The following DYTN variants were observed in gnomAD, a reference collection of about 807,000 sequenced individuals.
The protein encoded by DYTN is dystrotelin.
A neutral mutation model predicts 69.6 loss-of-function variants in DYTN; 75 were observed. The observed-to-expected ratio is 1.08, with a 90% CI of 0.89 to 1.31. The LOEUF is 1.31. DYTN is among the 50% of genes most tolerant of loss of function. The pLI is 0.00. For missense variants in DYTN, 726 were observed against 688.4 expected (o/e 1.05, Z -0.61); for synonymous variants, 252 against 249.1 (o/e 1.01, Z -0.11).
chr2:206,676,693 A>G (rs1472312503), intron 9 of DYTN, among the ~76,000 whole-genome samples: 1 of 152,208 alleles, frequency 6.6e-6, no homozygotes, highest in Non-Finnish European at 1.5e-5. Context: ...CAAGTTCTGG[A>G]GGTGTACTAA....
In DYTN at chr2:206,693,276, G is replaced by T. The variant is rs1416965425; in HGVS notation, c.879C>A (p.Asn293Lys). The change falls in exon 9 of 12, where the codon AAC (asparagine) becomes AAA (lysine). Residue 293 changes from asparagine (N) to lysine (K), a missense_variant. Physicochemically the swap from Asn to Lys is moderately conservative, Grantham distance 94. Coordinates refer to ENST00000452335, the MANE Select transcript of DYTN (RefSeq NM_001093730.1). ...NTKLLFRTLR[N>K]NLLQGRCRKK... ...TCCTACAGCGCCCCTGAAGAAGGTTGTTTCTGAGGGTCCTGAAGAGAAGTT... is the reference window on the plus strand; with the variant it reads ...TCCTACAGCGCCCCTGAAGAAGGTTTTTTCTGAGGGTCCTGAAGAGAAGTT... 6.2e-7 allele frequency: 1 copy of T among 1,613,466 alleles called. No individual in the cohort carries two copies.
At position 206,678,682 on chromosome 2, in the gene DYTN, A is replaced by G. The variant is rs1699717747; in HGVS notation, c.981-12653T>C. Among the ~76,000 whole-genome samples, 6 of 152,352 alleles carry G rather than the reference A, an allele frequency of 3.9e-5. No homozygotes were observed. The South Asian group carries it at 1.2e-3, about 32-fold the overall frequency. On this transcript the variant is annotated intron_variant, in intron 9 of 11. Coordinates refer to ENST00000452335, the MANE Select transcript of DYTN (RefSeq NM_001093730.1). ...CTAACTATAGAGAACTATATAATGA[A>G]TAAATTTTACAGTGTAGTCTAAGCT...
chr2:206,672,980 G>A (rs944254665), intron 9 of DYTN, among the ~76,000 whole-genome samples: 3 of 152,130 alleles, frequency 2.0e-5, no homozygotes, highest in Admixed American at 6.5e-5. Flanking sequence ...GGTTTGTTAC[G>A]TAGGTAAATG....
chr2:206,710,572 T>C lies in DYTN; in HGVS notation c.46A>G (p.Ile16Val). ...TGTAATTTGAAGGCTGTTCTATAAATGGAATTCTCAATACTATTAAGAGCA... is the reference window on the plus strand; with the variant it reads ...TGTAATTTGAAGGCTGTTCTATAAACGGAATTCTCAATACTATTAAGAGCA... ...QDALNSIENSIYRTAFKLQSV... is the reference protein window; with the variant it reads ...QDALNSIENSVYRTAFKLQSV... The change falls in exon 2 of 12, where the codon ATT becomes GTT. Residue 16 changes from isoleucine (I) to valine (V), a missense_variant. Physicochemically the swap from Ile to Val is conservative, Grantham distance 29. Coordinates refer to ENST00000452335, the MANE Select transcript of DYTN (RefSeq NM_001093730.1). 1 of 1,611,560 alleles carries C rather than the reference T, an allele frequency of 6.2e-7. No individual in the cohort carries two copies. The highest frequency in any genetic ancestry group is 8.5e-7 in the Non-Finnish European group (1 of 1,178,850).
At chr2:206,685,939 A>C (rs1028794047) in intron 9 of DYTN, among the ~76,000 whole-genome samples, 2 of 151,204 alleles carry the variant, frequency 1.3e-5, no homozygotes, top group African/African-American at 4.9e-5. Flanking sequence ...AAAATGTTGA[A>C]GTTATATTGA....
chr2:206,666,122 G>A, intron 9 of DYTN, 93 bp from the exon 10 acceptor site: 1 of 1,467,914 alleles, frequency 6.8e-7, no homozygotes, highest in Non-Finnish European at 9.1e-7. Context: ...CCTTTTTGTG[G>A]GAAAAGATGC....
intron 9 of DYTN, among the ~76,000 whole-genome samples, chr2:206,672,403 T>C (rs747773238): frequency 6.6e-6 from 1 of 152,210 alleles, no homozygotes; most frequent in East Asian, 1.9e-4. Context: ...ATTGTGAATG[T>C]TTTTCCATCC....
intron 5 of DYTN, 22 bp from the exon 6 acceptor site, chr2:206,700,238 T>C (rs1429725435): frequency 6.2e-7 from 1 of 1,613,176 alleles, no homozygotes; most frequent in Non-Finnish European, 8.5e-7. Context: ...AACCTCATCT[T>C]AGCTGTTAGA....
Position 206,704,923 on chromosome 2 carries a change from C to A in DYTN, c.403G>T (p.Glu135Ter). The stretch of plus-strand genomic sequence containing the variant: ...GAATCATAGCCTCCCCTGCTATTTT[C>A]TGCATAGAGTTGAAAAAGAGCTAGA... ...KYRALFQLYA[E>*]NSRGGYDSGP... is the part of the protein sequence containing the mutation. The change falls in exon 5 of 12, where the codon GAA becomes TAA. Residue 135 changes from glutamate to a stop codon, truncating the protein, a stop_gained. Transcript: ENST00000452335. LOFTEE classifies it high-confidence loss of function. The A allele has an allele frequency of 6.2e-7, 1 of 1,613,634 alleles. No homozygotes were observed. The highest frequency in any genetic ancestry group is 8.5e-7 in the Non-Finnish European group (1 of 1,179,736).
chr2:206,702,179 T>A (rs573839404), intron 5 of DYTN, among the ~76,000 whole-genome samples: 1 of 152,346 alleles, frequency 6.6e-6, no homozygotes, highest in South Asian at 2.1e-4. Context: ...CTAAGAACCT[T>A]TTGTGACTGC....
Position 206,663,006 on chromosome 2 carries a change from T to G in DYTN, c.1530A>C (p.Lys510Asn). 1 of 1,613,910 alleles carries G rather than the reference T, an allele frequency of 6.2e-7. No homozygotes were observed. ...SSPALAAVEK[K>N]EAGNIKERKD... ...TTCTCTCCTTGATGTTACCTGCCTC[T>G]TTCTTTTCCACGGCTGCCAGAGCAG... The change falls in exon 11 of 12, where the codon AAA (lysine) becomes AAC (asparagine). Residue 510 changes from lysine (K) to asparagine (N), a missense_variant. Transcript: ENST00000452335.
At chr2:206,652,730 G>A (rs1466736179) in intron 11 of DYTN, among the ~76,000 whole-genome samples, 1 of 152,108 alleles carries the variant, frequency 6.6e-6, no homozygotes, top group Non-Finnish European at 1.5e-5. Context: ...CAAAAGCATA[G>A]TATGATCTAA....
chr2:206,655,117 G>A (rs1699433160), intron 11 of DYTN, among the ~76,000 whole-genome samples: 1 of 152,040 alleles, frequency 6.6e-6, no homozygotes, highest in African/African-American at 2.4e-5. Context: ...TTAGCTGTGG[G>A]TTTTTCTTAT....
chr2:206,709,715 C>CAT (rs776765005), intron 2 of DYTN, among the ~76,000 whole-genome samples: 1 of 152,098 alleles, frequency 6.6e-6, no homozygotes, highest in Admixed American at 6.5e-5. Flanking sequence ...GTAGAAATGT[C>CAT]ATATATATAA....
At chr2:206,653,524 A>G (rs1030569318) in intron 11 of DYTN, among the ~76,000 whole-genome samples, 7 of 152,248 alleles carry the variant, frequency 4.6e-5, no homozygotes, top group African/African-American at 1.4e-4. Flanking sequence ...AAGTCTATCT[A>G]GTCTTCGAAT....
chr2:206,704,898 G>A lies in DYTN; in HGVS notation c.428C>T (p.Ser143Phe), dbSNP rs1700010643. ...YAENSRGGYD[S>F]GPRMTRRVLR... ...AACCCTTCGAGTCATGCGTGGCCCA[G>A]AATCATAGCCTCCCCTGCTATTTTC... The change falls in exon 5 of 12, where the codon TCT (serine) becomes TTT (phenylalanine). Residue 143 changes from serine to phenylalanine, a missense_variant. By Grantham distance (155) the Ser-to-Phe change is radical (BLOSUM62 -2). Coordinates refer to ENST00000452335, the MANE Select transcript of DYTN (RefSeq NM_001093730.1). 6.2e-7 allele frequency: 1 copy of A among 1,613,872 alleles called. No individual in the cohort carries two copies. The highest frequency in any genetic ancestry group is 8.5e-7 in the Non-Finnish European group (1 of 1,179,828).
rs149666913 is a variant in DYTN, at chr2:206,693,407, A to G, written c.832-84T>C. On this transcript the variant is annotated intron_variant, in intron 8 of 11. Transcript: ENST00000452335. Reference sequence around the variant, plus strand: ...TCCTTACTTGGATGGACTGGCCACCATGAAAGTTTTTGGAATTATTTCTCT... The same window carrying G: ...TCCTTACTTGGATGGACTGGCCACCGTGAAAGTTTTTGGAATTATTTCTCT... 7.0e-4 allele frequency: 1,050 copies of G among 1,500,012 alleles called. 6 individuals carry two copies. In the African/African-American group the frequency reaches 0.013, roughly 19 times the overall value. The allele number at this position is 1,500,012 out of a possible 1,614,324, so 92.9% of individuals were successfully genotyped here. A position where few individuals can be genotyped will look rare whatever the true frequency, so the allele number is the denominator to read the frequency against.
At chr2:206,683,495 C>T (rs1236136795) in intron 9 of DYTN, among the ~76,000 whole-genome samples, 3 of 151,906 alleles carry the variant, frequency 2.0e-5, no homozygotes, top group African/African-American at 7.3e-5. Context: ...TGGTACATGC[C>T]ACCATGCCTG....
intron 9 of DYTN, among the ~76,000 whole-genome samples, chr2:206,676,137 A>T (rs1040254227): frequency 6.6e-6 from 1 of 152,268 alleles, no homozygotes; most frequent in Non-Finnish European, 1.5e-5. Context: ...ACATAGGTTT[A>T]ATGCAGCACT....
Sources: gnomAD v4.1 joint callset for allele counts (sites outside exome capture counted in the v4.1 genomes callset) on GRCh38, gnomAD v4.1.1 for gene constraint, MANE v1.5 for transcripts, NCBI Gene and HGNC (gene_info 2026-07-23, HGNC 2026-07-21) for gene names.